WDFY4: variants seen among roughly 807,000 people sequenced by gnomAD.
WDFY4 encodes WD repeat- and FYVE domain-containing protein 4.
Under a neutral mutation model 351.9 loss-of-function variants are expected in WDFY4, and 169 were observed. The ratio of observed to expected loss-of-function variants is 0.48; its 90% CI spans 0.42 to 0.55. WDFY4 has a LOEUF of 0.55. WDFY4 is among the 20% of genes least tolerant of loss of function. WDFY4 has a pLI of 0.00. For synonymous variants in WDFY4, 1,622 were observed against 1,574.6 expected (o/e 1.03, Z -0.71); for missense variants, 3,803 against 3,935.6 (o/e 0.97, Z 0.90).
chr10:48,802,934 T>C (rs2067133473), intron 24 of WDFY4: 2 of 489,654 alleles, frequency 4.1e-6, no homozygotes, highest in Non-Finnish European at 8.0e-6. Flanking sequence ...AACATCATCA[T>C]TTGTCTTGCA....
intron 36 of WDFY4, among the ~76,000 whole-genome samples, chr10:48,828,199 G>A (rs148688362): frequency 2.9e-4 from 44 of 152,308 alleles, no homozygotes; most frequent in African/African-American, 1.0e-3. Context: ...CATGGTTCAT[G>A]GGAAACCTAA....
In WDFY4 at chr10:48,790,861, G is replaced by A; in HGVS notation, c.4201G>A (p.Val1401Ile). The stretch of plus-strand genomic sequence containing the variant: ...TGCGGCTGTGAAAGTTCTGCACTCG[G>A]TCCTGACCAGTAATGCCATGTGTGA... ...MYAAVKVLHS[V>I]LTSNAMCDFL... The change falls in exon 23 of 62, where the codon GTC becomes ATC. Residue 1401 changes from valine (V) to isoleucine (I), a missense_variant. By Grantham distance (29) the Val-to-Ile change is conservative. Transcript: ENST00000325239. The A allele has an allele frequency of 6.4e-7, 1 of 1,551,762 alleles. No homozygotes were observed. The highest frequency in any genetic ancestry group is 8.7e-7 in the Non-Finnish European group (1 of 1,147,018).
intron 20 of WDFY4, among the ~76,000 whole-genome samples, chr10:48,787,931 T>C (rs1009216048): frequency 3.3e-5 from 3 of 91,532 alleles, no homozygotes; most frequent in South Asian, 4.2e-4. Flanking sequence ...CTTCTTCTTC[T>C]TCTTCTTCTT....
rs540671329 is a variant in WDFY4, at chr10:48,845,832, T to TAAAG, written c.6663+13125_6663+13128dup. 4.7e-3 allele frequency among the ~76,000 whole-genome samples: 712 copies of TAAAG among 151,420 alleles called. 6 individuals carry two copies. Among genetic ancestry groups the TAAAG allele is most frequent in the African/African-American group, 0.016 (674 of 41,188 alleles). ...ATTCAGAGCTTGAATATACAGTCTC[T>TAAAG]AAAGACTCACCGTCACATACCAGCA... is the stretch of plus-strand genomic sequence containing the variant. On this transcript the variant is annotated intron_variant, in intron 39 of 61. Transcript: ENST00000325239.
chr10:48,743,416 G>T lies in WDFY4; in HGVS notation c.2327G>T (p.Gly776Val), dbSNP rs1252042501. The change falls in exon 12 of 62, where the codon GGC becomes GTC. Residue 776 changes from glycine to valine, a missense_variant. By Grantham distance (109) the Gly-to-Val change is moderately radical. Transcript: ENST00000325239. ...GGCTTTCTGGACAGCATGGCCAGCG[G>T]CACCCTCCACTTGCGTGGGGACCTG... ...ILGFLDSMASGTLHLRGDLKE... is the reference protein window; with the variant it reads ...ILGFLDSMASVTLHLRGDLKE... The T allele has an allele frequency of 2.6e-6, 4 of 1,551,416 alleles. No individual in the cohort carries two copies. The Admixed American group carries it at 7.8e-5, about 30-fold the overall frequency.
In WDFY4 at chr10:48,743,588, C is replaced by A. The variant is rs963782996; in HGVS notation, c.2459+40C>A. ...CAGTGTGTCATCAGTGCATCTCTGT[C>A]TCCCATTCTCACTCTAACGTCTTGC... On this transcript the variant is annotated intron_variant, in intron 12 of 61. Coordinates refer to ENST00000325239, the MANE Select transcript of WDFY4 (RefSeq NM_001394531.1). 2.7e-6 allele frequency: 4 copies of A among 1,503,710 alleles called. No homozygotes were observed. The African/African-American group carries it at 5.5e-5, about 21-fold the overall frequency. 93.1% of individuals were successfully genotyped at this position (1,503,710 alleles called of 1,614,324 possible).
intron 12 of WDFY4, among the ~76,000 whole-genome samples, chr10:48,750,003 C>T (rs891280000): frequency 2.0e-5 from 3 of 152,154 alleles, no homozygotes; most frequent in Admixed American, 6.5e-5. Context: ...AACAGGAATG[C>T]GGTGTGCTCC....
chr10:48,923,688 C>G (rs1839323690), intron 47 of WDFY4, among the ~76,000 whole-genome samples: 1 of 151,814 alleles, frequency 6.6e-6, no homozygotes, highest in Non-Finnish European at 1.5e-5. Context: ...ACCCTCTGAG[C>G]AACACAGATA....
chr10:48,725,850 C>T (rs2064250517), intron 5 of WDFY4, 31 bp from the exon 6 acceptor site: 1 of 1,524,692 alleles, frequency 6.6e-7, no homozygotes, highest in Admixed American at 2.0e-5. Context: ...CTAACCAGGT[C>T]TCCTTGACTG....
In WDFY4 at chr10:48,786,787, A is replaced by G; in HGVS notation, c.3725A>G (p.Glu1242Gly). The G allele has an allele frequency of 1.9e-6, 3 of 1,552,394 alleles. No homozygotes were observed. Among genetic ancestry groups the G allele is most frequent in the Non-Finnish European group, 2.6e-6 (3 of 1,147,136 alleles). The change falls in exon 20 of 62, where the codon GAA (glutamate) becomes GGA (glycine). Residue 1242 changes from glutamate (E) to glycine (G), a missense_variant. This residue lies in a region of WDFY4 where 3,054 missense variants were observed against 3,148.6 expected (regional missense o/e 0.97). Coordinates refer to ENST00000325239, the MANE Select transcript of WDFY4 (RefSeq NM_001394531.1). ...WRLGPTYLFE[E>G]AISMETLEVI... is the part of the protein sequence containing the mutation. ...CTTGGCCCCACATACCTCTTTGAAGAAGCCATTTCAATGGAAACTCTGGAA... is the reference window on the plus strand; with the variant it reads ...CTTGGCCCCACATACCTCTTTGAAGGAGCCATTTCAATGGAAACTCTGGAA...
chr10:48,685,707 A>T (rs918236646), intron 1 of WDFY4, among the ~76,000 whole-genome samples: 7 of 151,400 alleles, frequency 4.6e-5, no homozygotes, highest in African/African-American at 1.7e-4. Context: ...CAACTCATCT[A>T]AAGTGTGGGG....
At chr10:48,908,993 T>A (rs1380841112) in intron 47 of WDFY4, among the ~76,000 whole-genome samples, 1 of 152,138 alleles carries the variant, frequency 6.6e-6, no homozygotes, top group Non-Finnish European at 1.5e-5. Context: ...ATTTACAGAC[T>A]GTTCTATACA....
At chr10:48,910,844 G>A (rs1285495938) in intron 47 of WDFY4, 2 of 909,064 alleles carry the variant, frequency 2.2e-6, no homozygotes, top group African/African-American at 3.6e-5. Context: ...TGCTGCAGCG[G>A]GGAAGGGAGG....
rs201139325 is a variant in WDFY4 at position 48,873,636 on chromosome 10, G to A, written c.6887G>A (p.Arg2296Gln). The A allele has an allele frequency of 2.6e-4, 409 of 1,551,840 alleles. No homozygotes were observed. The highest frequency in any genetic ancestry group is 3.3e-4 in the Non-Finnish European group (375 of 1,147,012). The change falls in exon 41 of 62, where the codon CGA becomes CAA. Residue 2296 changes from arginine to glutamine, a missense_variant. Arg to Gln is a conservative substitution (Grantham distance 43). Coordinates refer to ENST00000325239, the MANE Select transcript of WDFY4 (RefSeq NM_001394531.1). ...CTCGACTGGAGAGAAGGACCAGCTC[G>A]AATGAGGAAACGCATCAAACGCTTG... Reference protein sequence around the residue: ...WELDWREGPARMRKRIKRLSP... With the variant: ...WELDWREGPAQMRKRIKRLSP...
intron 7 of WDFY4, 65 bp from the exon 8 acceptor site, chr10:48,729,367 A>C (rs960663644): frequency 4.6e-6 from 7 of 1,531,258 alleles, no homozygotes; most frequent in East Asian, 4.9e-5. Flanking sequence ...CCTTGAGAGC[A>C]CCATGCACGC....
intron 26 of WDFY4, 39 bp downstream of exon 26, chr10:48,805,460 C>T (rs1361405450): frequency 6.5e-7 from 1 of 1,538,442 alleles, no homozygotes. Flanking sequence ...AGCAGGGCCC[C>T]AGGGCTGTTT....
At chr10:48,944,414 T>C (rs1035005528) in intron 49 of WDFY4, among the ~76,000 whole-genome samples, 1 of 152,146 alleles carries the variant, frequency 6.6e-6, no homozygotes, top group African/African-American at 2.4e-5. Context: ...CCAGGGTGAT[T>C]TCTGTGCTTC....
intron 13 of WDFY4, among the ~76,000 whole-genome samples, chr10:48,760,851 C>T (rs1238534058): frequency 1.3e-5 from 2 of 152,314 alleles, no homozygotes; most frequent in African/African-American, 2.4e-5. Flanking sequence ...CTGTGCAGCT[C>T]ATGCACAGCT....
intron 14 of WDFY4, among the ~76,000 whole-genome samples, chr10:48,775,120 A>T (rs911347164): frequency 6.6e-6 from 1 of 152,198 alleles, no homozygotes; most frequent in Non-Finnish European, 1.5e-5. Context: ...TCCTGCTGTC[A>T]GCCTCTACAT....
Sources: gnomAD v4.1 joint callset for allele counts (sites outside exome capture counted in the v4.1 genomes callset) on GRCh38, gnomAD v4.1.1 for gene constraint, gnomAD v4.1.1 regional missense constraint, MANE v1.5 for transcripts, NCBI Gene and HGNC (gene_info 2026-07-23, HGNC 2026-07-21) for gene names.